SGMS2: variants seen among roughly 807,000 people sequenced by gnomAD.
SGMS2 encodes the protein sphingomyelin synthase 2.
Under a neutral mutation model 43.8 loss-of-function variants are expected in SGMS2, and 21 were observed. The observed-to-expected ratio is 0.48, with a 90% CI of 0.34 to 0.69. The LOEUF (loss-of-function observed/expected upper bound fraction) is 0.69, where lower values mean the gene tolerates loss of function less well. SGMS2 is among the 30% of genes least tolerant of loss of function. The probability of loss-of-function intolerance (pLI) is 0.01; values close to 1 mark genes in which losing one functional copy is unlikely to be tolerated. For missense variants in SGMS2, 384 were observed against 443.2 expected, an observed-to-expected ratio of 0.87 and a Z score of 1.20; for synonymous variants, 167 against 160.6, an observed-to-expected ratio of 1.04 and a Z score of -0.30.
At chr4:107,909,232 A>G (rs1197593371) in intron 6 of SGMS2, among the ~76,000 whole-genome samples, 1 of 151,836 alleles carries the variant, frequency 6.6e-6, no homozygotes, top group African/African-American at 2.4e-5. Flanking sequence ...CAGCCTCCCA[A>G]ATAGCTGGGA....
intron 2 of SGMS2, chr4:107,886,631 T>C (rs1178325277): frequency 1.3e-5 from 2 of 152,104 alleles, no homozygotes; most frequent in African/African-American, 2.4e-5. Flanking sequence ...AGCTTGGAGC[T>C]CCTAGGCCTG....
chr4:107,827,535 G>A (rs867164968), intron 1 of SGMS2, among the ~76,000 whole-genome samples: 9 of 152,156 alleles, frequency 5.9e-5, no homozygotes, highest in Non-Finnish European at 1.0e-4. Context: ...ATAGGGGCTC[G>A]TAAATTCTTT....
Position 107,825,056 on chromosome 4 carries a change from G to A in SGMS2, c.-524G>A, listed in dbSNP as rs1354402913. The A allele has an allele frequency of 6.6e-6, 1 of 152,294 alleles. No individual in the cohort carries two copies. The highest frequency in any genetic ancestry group is 2.4e-5 in the African/African-American group (1 of 41,424). 9.4% of individuals were successfully genotyped at this position (152,294 alleles called of 1,614,324 possible). A position where few individuals can be genotyped will look rare whatever the true frequency, so the allele number is the denominator to read the frequency against. ...GGGCGGCGGCCGCGGGAGGGACCCG[G>A]AGAGCTGCTTCCCCTAGTCAGGCCG... On this transcript the variant is annotated 5_prime_UTR_variant, in exon 1 of 7. Transcript: ENST00000690982.
intron 1 of SGMS2, among the ~76,000 whole-genome samples, chr4:107,827,725 C>G (rs1725673250): frequency 6.6e-6 from 1 of 152,152 alleles, no homozygotes; most frequent in Admixed American, 6.5e-5. Context: ...GTGGCTCACA[C>G]CTGTAATTCC....
intron 2 of SGMS2, among the ~76,000 whole-genome samples, chr4:107,892,296 T>C (rs1219673892): frequency 2.1e-5 from 3 of 144,738 alleles, no homozygotes; most frequent in Admixed American, 6.9e-5. Context: ...TCAACCAGAA[T>C]TGGGGAGATC....
In SGMS2 at chr4:107,895,888, C is replaced by T. The variant is rs760890348; in HGVS notation, c.335C>T (p.Pro112Leu). Residue 112 changes from proline (P) to leucine (L), a missense_variant, in exon 3 of 7, where the codon CCA becomes CTA. Pro to Leu is a moderately conservative substitution (Grantham distance 98). Transcript: ENST00000690982. Reference protein sequence around the residue: ...ERVPPKELSPPLPDKFFDYID... With the variant: ...ERVPPKELSPLLPDKFFDYID... The stretch of plus-strand genomic sequence containing the variant: ...GTCCCTCCCAAGGAGCTTAGCCCTC[C>T]ACTCCCAGACAAGTTTTTTGATTAC... 1 of 1,613,958 alleles carries T rather than the reference C, an allele frequency of 6.2e-7. No individual in the cohort carries two copies. The highest frequency in any genetic ancestry group is 1.1e-5 in the South Asian group (1 of 91,076).
At chr4:107,884,446 C>A (rs1729585007) in intron 2 of SGMS2, among the ~76,000 whole-genome samples, 1 of 152,038 alleles carries the variant, frequency 6.6e-6, no homozygotes, top group South Asian at 2.1e-4. Flanking sequence ...TAAGATGAAA[C>A]CTGAGCCCAG....
At chr4:107,899,441 G>C (rs1279256539) in intron 3 of SGMS2, 134 bp from the exon 4 acceptor site, 4 of 609,028 alleles carry the variant, frequency 6.6e-6, no homozygotes, top group Non-Finnish European at 1.1e-5. Context: ...TTTAAACTCT[G>C]TGAAACTGTG....
chr4:107,824,971 C>T lies in SGMS2; in HGVS notation c.-609C>T, dbSNP rs1410543878. 2 of 151,212 alleles carry T rather than the reference C, an allele frequency of 1.3e-5. No homozygotes were observed. The highest frequency in any genetic ancestry group is 4.8e-5 in the African/African-American group (2 of 41,292). The allele number at this position is 151,212 out of a possible 1,614,324, so 9.4% of individuals were successfully genotyped here. On this transcript the variant is annotated 5_prime_UTR_variant, in exon 1 of 7. Transcript: ENST00000690982. ...CGTGGGCCGAGTGGGGCGGGGAGAC[C>T]CAGCCCTCGGCGCGCACGGAGCCTG...
chr4:107,860,794 G>C (rs956329481), intron 2 of SGMS2, among the ~76,000 whole-genome samples: 25 of 152,102 alleles, frequency 1.6e-4, no homozygotes, highest in African/African-American at 5.8e-4. Flanking sequence ...CAAAGTGGTG[G>C]GATTACAGGC....
intron 2 of SGMS2, among the ~76,000 whole-genome samples, chr4:107,888,593 GC>G (rs1729942657): frequency 6.6e-6 from 1 of 151,400 alleles, no homozygotes; most frequent in Non-Finnish European, 1.5e-5. Context: ...TTCTCTTTAA[GC>G]TTTCTTACCA....
chr4:107,909,208 C>T (rs1051401762), intron 6 of SGMS2, among the ~76,000 whole-genome samples: 1 of 151,530 alleles, frequency 6.6e-6, no homozygotes, highest in Non-Finnish European at 1.5e-5. Flanking sequence ...CAAGTTCAAG[C>T]GATTCTTGTG....
At chr4:107,875,111 C>T (rs1728811110) in intron 2 of SGMS2, among the ~76,000 whole-genome samples, 1 of 152,110 alleles carries the variant, frequency 6.6e-6, no homozygotes, top group South Asian at 2.1e-4. Flanking sequence ...AGTTTCATAC[C>T]ACTTGAAAGC....
intron 2 of SGMS2, among the ~76,000 whole-genome samples, chr4:107,881,283 A>T (rs1162384236): frequency 6.6e-6 from 1 of 151,976 alleles, no homozygotes; most frequent in Non-Finnish European, 1.5e-5. Flanking sequence ...TTCATAATTG[A>T]TTGTCTCTTA....
chr4:107,891,352 A>G (rs1343010958), intron 2 of SGMS2, among the ~76,000 whole-genome samples: 1 of 152,130 alleles, frequency 6.6e-6, no homozygotes, highest in Non-Finnish European at 1.5e-5. Flanking sequence ...CACAACTTAT[A>G]TGATTACTGA....
At position 107,848,994 on chromosome 4, in the gene SGMS2, A is replaced by G. The variant is rs938210449; in HGVS notation, c.-326-9478A>G. Among the ~76,000 whole-genome samples the G allele has an allele frequency of 6.6e-5, 10 of 152,034 alleles. No individual in the cohort carries two copies. In the East Asian group the frequency reaches 1.9e-3, roughly 29 times the overall value. On this transcript the variant is annotated intron_variant, in intron 1 of 6. Coordinates refer to ENST00000690982, the MANE Select transcript of SGMS2 (RefSeq NM_001375905.1). The stretch of plus-strand genomic sequence containing the variant: ...CCTAAGGTCACTTAGATTTTCTTCT[A>G]TGTTATCTTATAAATTAGTATCTAG...
chr4:107,847,526 A>G (rs1285035698), intron 1 of SGMS2, among the ~76,000 whole-genome samples: 1 of 151,724 alleles, frequency 6.6e-6, no homozygotes, highest in African/African-American at 2.4e-5. Flanking sequence ...GCCTTGTAGT[A>G]TAGTTTGAAG....
At chr4:107,886,360 G>T (rs1432420335) in intron 2 of SGMS2, among the ~76,000 whole-genome samples, 1 of 117,464 alleles carries the variant, frequency 8.5e-6, no homozygotes, top group East Asian at 2.6e-4. Flanking sequence ...ACCACACCCA[G>T]CTAATTTTTT....
At chr4:107,886,459 C>T (rs970781695) in intron 2 of SGMS2, among the ~76,000 whole-genome samples, 1 of 150,866 alleles carries the variant, frequency 6.6e-6, no homozygotes, top group Non-Finnish European at 1.5e-5. Flanking sequence ...AAATGACCTC[C>T]TGCCTTGGCC....
Sources: allele counts gnomAD v4.1 joint callset (sites outside exome capture counted in the v4.1 genomes callset), GRCh38; gene constraint gnomAD v4.1.1; transcripts MANE v1.5; gene names NCBI Gene and HGNC (gene_info 2026-07-23, HGNC 2026-07-21).